Variants in STYK1 observed in about 807,000 individuals in gnomAD.
STYK1 encodes STY kinase 1.
In STYK1, 46 loss-of-function variants were observed where a neutral mutation model predicts 48.1. That is an observed-to-expected ratio of 0.96 (90% CI 0.75 to 1.22). STYK1 has a LOEUF of 1.22. Among genes scored for constraint, STYK1 ranks in the 50% most tolerant of loss-of-function variants. The probability of loss-of-function intolerance (pLI) is 0.00; values close to 1 mark genes in which losing one functional copy is unlikely to be tolerated. For synonymous variants in STYK1, 188 were observed against 189.0 expected, an observed-to-expected ratio of 0.99 and a Z score of 0.04; for missense variants, 527 against 521.1, an observed-to-expected ratio of 1.01 and a Z score of -0.11.
chr12:10,658,104 A>G (rs1947737887), intron 1 of STYK1, among the ~76,000 whole-genome samples: 1 of 152,240 alleles, frequency 6.6e-6, no homozygotes, highest in Non-Finnish European at 1.5e-5. Context: ...CTAAAGTTAA[A>G]GGGGTCTTAT....
In STYK1 at chr12:10,621,932, T is replaced by A; in HGVS notation, c.1008A>T (p.Leu336=). The A allele has an allele frequency of 1.2e-6, 2 of 1,613,952 alleles. No individual in the cohort carries two copies. Among genetic ancestry groups the A allele is most frequent in the Non-Finnish European group, 8.5e-7 (1 of 1,179,846 alleles). Reference sequence around the variant, plus strand: ...TGATTTTCCTTCTTTGGAGATGCTCTAGGATGCTGGTAGGAGGGACTTCAG... The same window carrying A: ...TGATTTTCCTTCTTTGGAGATGCTCAAGGATGCTGGTAGGAGGGACTTCAG... The part of the protein sequence containing the change: ...PYPEVPPTSI[L]EHLQRRKIMK... Residue 336 remains leucine (L), a synonymous_variant, in exon 10 of 11, where the codon CTA becomes CTT. Coordinates refer to ENST00000075503, the MANE Select transcript of STYK1 (RefSeq NM_018423.3).
chr12:10,630,385 C>CA (rs35704937), intron 5 of STYK1, among the ~76,000 whole-genome samples: 2,897 of 48,488 alleles, frequency 0.06, 286 homozygotes, highest in African/African-American at 0.1. Context: ...CACTCTGTCT[C>CA]AAAAAAAAAA....
chr12:10,661,398 A>G (rs1591702967), intron 1 of STYK1, among the ~76,000 whole-genome samples: 1 of 152,114 alleles, frequency 6.6e-6, no homozygotes. Context: ...CTTGCACAAA[A>G]CCCAGACTCT....
At chr12:10,668,382 CT>C (rs536728051) in intron 1 of STYK1, among the ~76,000 whole-genome samples, 4,079 of 143,048 alleles carry the variant, frequency 0.029, 154 homozygotes, top group African/African-American at 0.095. Context: ...ACTTCTTCTT[CT>C]TTTTTTTTTT....
At chr12:10,650,148 A>AAAAAAAT (rs1947646584) in intron 1 of STYK1, among the ~76,000 whole-genome samples, 1 of 140,386 alleles carries the variant, frequency 7.1e-6, no homozygotes. Context: ...AAAAAAAAAA[A>AAAAAAAT]TCTTGAGTTT....
chr12:10,656,191 CA>C (rs1432208880), intron 1 of STYK1, among the ~76,000 whole-genome samples: 2 of 152,192 alleles, frequency 1.3e-5, no homozygotes, highest in Non-Finnish European at 2.9e-5. Context: ...CGCCCACAGG[CA>C]AAAGACATGG....
At position 10,673,988 on chromosome 12, in the gene STYK1, C is replaced by T; in HGVS notation, c.-217G>A. 1 of 152,368 alleles carries T rather than the reference C, an allele frequency of 6.6e-6. No individual in the cohort carries two copies. 9.4% of individuals were successfully genotyped at this position (152,368 alleles called of 1,614,324 possible). A position where few individuals can be genotyped will look rare whatever the true frequency, so the allele number is the denominator to read the frequency against. On this transcript the variant is annotated 5_prime_UTR_variant, in exon 1 of 11. Coordinates refer to ENST00000075503, the MANE Select transcript of STYK1 (RefSeq NM_018423.3). ...TACCGTGTCCCTCCTCTGGTCACTC[C>T]GGTTTCCGATGGCACCGGCCCAGTC...
intron 1 of STYK1, among the ~76,000 whole-genome samples, chr12:10,638,313 T>C (rs1191578457): frequency 6.6e-6 from 1 of 152,344 alleles, no homozygotes. Flanking sequence ...ATTTCTCTTA[T>C]CAGTTGCTTC....
At chr12:10,670,230 G>C (rs549076977) in intron 1 of STYK1, among the ~76,000 whole-genome samples, 2 of 152,178 alleles carry the variant, frequency 1.3e-5, no homozygotes, top group East Asian at 1.9e-4. Context: ...TGTATAGATA[G>C]CAAGAAAATG....
intron 5 of STYK1, among the ~76,000 whole-genome samples, chr12:10,630,050 AGAGAGAGAGAGAGAG>A (rs1188325446): frequency 4.9e-5 from 1 of 20,394 alleles, no homozygotes; most frequent in Admixed American, 6.9e-4. Flanking sequence ...AGAGAGAGAG[AGAGAGAGAGAGAGAG>A]AGAGAGAGAG....
rs377346665 is a variant in STYK1, at chr12:10,624,803, C to G, written c.774G>C (p.Leu258=). The part of the protein sequence containing the change: ...FHGDVAARNI[L]MQSDLTAKLC... ...GCTTAGCAGTGAGATCACTTTGCAT[C>G]AGAATATTCCTGGCTGCCACATCCC... Residue 258 remains leucine (L), a synonymous_variant, in exon 8 of 11, where the codon CTG becomes CTC. Coordinates refer to ENST00000075503, the MANE Select transcript of STYK1 (RefSeq NM_018423.3). 9.3e-6 allele frequency: 15 copies of G among 1,614,034 alleles called. No individual in the cohort carries two copies. The African/African-American group carries it at 2.0e-4, about 22-fold the overall frequency.
In STYK1 at chr12:10,664,201, C is replaced by T. The variant is rs2087300495; in HGVS notation, c.-195+9765G>A. Among the ~76,000 whole-genome samples the T allele has an allele frequency of 3.3e-5, 5 of 152,124 alleles. No homozygotes were observed. The South Asian group carries it at 1.0e-3, about 32-fold the overall frequency. ...CTACGTTCTGTAGTTGTCTTGGTGT[C>T]AGAACCCAGCTCATTTTCCCCTGAC... On this transcript the variant is annotated intron_variant, in intron 1 of 10. Coordinates refer to ENST00000075503, the MANE Select transcript of STYK1 (RefSeq NM_018423.3).
chr12:10,631,385 C>T (rs1257333882), intron 4 of STYK1, 77 bp from the exon 5 acceptor site: 4 of 1,552,276 alleles, frequency 2.6e-6, no homozygotes, highest in Non-Finnish European at 3.5e-6. Flanking sequence ...AACAAATTGG[C>T]AAGGAGGTTC....
At chr12:10,634,419 A>C in intron 3 of STYK1, 148 bp downstream of exon 3, 5 of 907,670 alleles carry the variant, frequency 5.5e-6, no homozygotes, top group Non-Finnish European at 8.5e-6. Context: ...TCTCCCCAAA[A>C]AGACAATGGC....
rs1224073105 is a variant in STYK1 at position 10,672,434 on chromosome 12, G to T, written c.-195+1532C>A. 1.3e-5 allele frequency among the ~76,000 whole-genome samples: 2 copies of T among 151,818 alleles called. No homozygotes were observed. The highest frequency in any genetic ancestry group is 2.9e-5 in the Non-Finnish European group (2 of 67,964). ...TGTATTTTTGGTAGAGATGGGTTTCGCCAAGTTGCCCAGGCTGGTCTCAAA... is the reference window on the plus strand; with the variant it reads ...TGTATTTTTGGTAGAGATGGGTTTCTCCAAGTTGCCCAGGCTGGTCTCAAA... On this transcript the variant is annotated intron_variant, in intron 1 of 10. Transcript: ENST00000075503. This position sits in a 1 kb window ranked among gnomAD's most constrained non-coding sequence, Gnocchi z 4.0.
intron 2 of STYK1, among the ~76,000 whole-genome samples, chr12:10,635,356 C>T (rs1273697065): frequency 6.6e-6 from 1 of 152,194 alleles, no homozygotes; most frequent in Non-Finnish European, 1.5e-5. Flanking sequence ...TGACAGATGT[C>T]GAAGGATATG....
intron 7 of STYK1, among the ~76,000 whole-genome samples, chr12:10,626,098 G>A (rs1271565479): frequency 6.6e-6 from 1 of 152,126 alleles, no homozygotes; most frequent in Admixed American, 6.5e-5. Flanking sequence ...AATCACTGAT[G>A]ACAAAGAAAA....
chr12:10,663,449 A>G (rs1947798843), intron 1 of STYK1, among the ~76,000 whole-genome samples: 1 of 151,910 alleles, frequency 6.6e-6, no homozygotes, highest in Non-Finnish European at 1.5e-5. Context: ...AATACAAAAA[A>G]TTAGCCAGGC....
intron 2 of STYK1, among the ~76,000 whole-genome samples, chr12:10,635,982 C>A (rs1244711994): frequency 6.6e-6 from 1 of 152,092 alleles, no homozygotes; most frequent in African/African-American, 2.4e-5. Context: ...CTAAATAAGT[C>A]TAAATATGTG....
Sources: allele counts gnomAD v4.1 joint callset (sites outside exome capture counted in the v4.1 genomes callset), GRCh38; gene constraint gnomAD v4.1.1; non-coding constraint Gnocchi (gnomAD v3.1); transcripts MANE v1.5; gene names NCBI Gene and HGNC (gene_info 2026-07-23, HGNC 2026-07-21).